KCND2: variants seen among roughly 807,000 people sequenced by gnomAD.
The protein encoded by KCND2 is potassium voltage-gated channel subfamily D member 2.
Under a neutral mutation model 54.4 loss-of-function variants are expected in KCND2, and 16 were observed. The observed-to-expected ratio is 0.29, with a 90% CI of 0.20 to 0.45. The LOEUF (loss-of-function observed/expected upper bound fraction) is 0.45, where lower values mean the gene tolerates loss of function less well. Ranked by LOEUF, KCND2 falls within the 20% of genes least tolerant of loss-of-function variation. The probability of loss-of-function intolerance (pLI) is 1.00; values close to 1 mark genes in which losing one functional copy is unlikely to be tolerated. For missense variants in KCND2, 486 were observed against 824.2 expected (o/e 0.59, Z 5.02); for synonymous variants, 317 against 310.7 (o/e 1.02, Z -0.21).
intron 1 of KCND2, among the ~76,000 whole-genome samples, chr7:120,529,795 T>G (rs1265912005): frequency 5.3e-5 from 8 of 152,050 alleles, no homozygotes; most frequent in Non-Finnish European, 2.9e-5. Context: ...CCCCTAGGAA[T>G]GATCAGGCCA....
At chr7:120,621,995 T>A (rs1298594396) in intron 1 of KCND2, among the ~76,000 whole-genome samples, 5 of 152,000 alleles carry the variant, frequency 3.3e-5, no homozygotes, top group Admixed American at 6.6e-5. Context: ...GGTTTTTTTT[T>A]AATGAAACTA....
chr7:120,619,516 A>G (rs1452275708), intron 1 of KCND2, among the ~76,000 whole-genome samples: 1 of 152,260 alleles, frequency 6.6e-6, no homozygotes, highest in South Asian at 2.1e-4. Flanking sequence ...TAGATCTTCC[A>G]TGAGGGTCAA....
At chr7:120,743,310 C>T (rs570945728) in intron 4 of KCND2, among the ~76,000 whole-genome samples, 2 of 152,140 alleles carry the variant, frequency 1.3e-5, no homozygotes, top group African/African-American at 2.4e-5. Context: ...TCGGGTGACA[C>T]ATGATTTGTA....
intron 1 of KCND2, among the ~76,000 whole-genome samples, chr7:120,701,240 TAAAAAAAAAAAAA>T (rs34803439): frequency 9.4e-4 from 52 of 55,146 alleles, no homozygotes; most frequent in African/African-American, 2.4e-3. Context: ...AATGCCTAGC[TAAAAAAAAAAAAA>T]AAAAAAAAAA....
At chr7:120,301,252 A>T (rs1224101410) in intron 1 of KCND2, among the ~76,000 whole-genome samples, 1 of 152,192 alleles carries the variant, frequency 6.6e-6, no homozygotes, top group Non-Finnish European at 1.5e-5. Flanking sequence ...TCTTCATTTT[A>T]CATAGTCTAT....
At chr7:120,615,846 T>G (rs1793017093) in intron 1 of KCND2, among the ~76,000 whole-genome samples, 1 of 152,232 alleles carries the variant, frequency 6.6e-6, no homozygotes, top group African/African-American at 2.4e-5. Flanking sequence ...AGCTTAATGG[T>G]TGATCTGAAA....
intron 1 of KCND2, among the ~76,000 whole-genome samples, chr7:120,312,286 A>T (rs941422236): frequency 2.0e-5 from 3 of 152,050 alleles, no homozygotes; most frequent in African/African-American, 4.8e-5. Flanking sequence ...GTGTGTCATT[A>T]TTGATGGGCA....
At chr7:120,594,672 A>G (rs978701740) in intron 1 of KCND2, among the ~76,000 whole-genome samples, 1 of 152,166 alleles carries the variant, frequency 6.6e-6, no homozygotes, top group Non-Finnish European at 1.5e-5. Flanking sequence ...TAGAACAACA[A>G]CTACTTCCTT....
intron 1 of KCND2, among the ~76,000 whole-genome samples, chr7:120,514,484 A>C (rs770416977): frequency 2.6e-4 from 39 of 152,144 alleles, no homozygotes; most frequent in Admixed American, 1.1e-3. Flanking sequence ...TTATGGTTTA[A>C]ACCAAATATT....
chr7:120,734,903 C>A (rs1201424282), intron 2 of KCND2, among the ~76,000 whole-genome samples: 1 of 151,998 alleles, frequency 6.6e-6, no homozygotes, highest in African/African-American at 2.4e-5. Flanking sequence ...CGCATATGAA[C>A]AATGTCAGCC....
intron 1 of KCND2, among the ~76,000 whole-genome samples, chr7:120,671,959 T>A (rs1791998367): frequency 6.6e-6 from 1 of 152,104 alleles, no homozygotes. Flanking sequence ...CCCCACCCTT[T>A]TTCTTTTTGT....
At chr7:120,654,520 G>A (rs1791776690) in intron 1 of KCND2, among the ~76,000 whole-genome samples, 1 of 152,150 alleles carries the variant, frequency 6.6e-6, no homozygotes, top group African/African-American at 2.4e-5. Flanking sequence ...TAACATGTAT[G>A]AGAATATTTA....
chr7:120,745,761 A>G lies in KCND2; in HGVS notation c.1468-19A>G. On this transcript the variant is annotated intron_variant, in intron 4 of 5. Coordinates refer to ENST00000331113, the MANE Select transcript of KCND2 (RefSeq NM_012281.3). ...AATGTGCTTCTCTGTTTCTTCATTT[A>G]CTTACAACTGTGGAACAGAATCACG... 1 of 1,613,278 alleles carries G rather than the reference A, an allele frequency of 6.2e-7. No individual in the cohort carries two copies. The highest frequency in any genetic ancestry group is 8.5e-7 in the Non-Finnish European group (1 of 1,179,434).
intron 1 of KCND2, among the ~76,000 whole-genome samples, chr7:120,422,944 C>G (rs761263786): frequency 2.6e-5 from 4 of 152,144 alleles, no homozygotes; most frequent in Non-Finnish European, 5.9e-5. Flanking sequence ...GGCAGTCTGT[C>G]CCAGGTCTTA....
At chr7:120,687,100 A>G (rs1792211697) in intron 1 of KCND2, among the ~76,000 whole-genome samples, 1 of 152,090 alleles carries the variant, frequency 6.6e-6, no homozygotes, top group Admixed American at 6.6e-5. Context: ...ACCATATGCA[A>G]CAACATGGAT....
intron 1 of KCND2, among the ~76,000 whole-genome samples, chr7:120,417,966 T>C (rs1801548047): frequency 6.6e-6 from 1 of 152,204 alleles, no homozygotes; most frequent in African/African-American, 2.4e-5. Context: ...GGATAAAATA[T>C]TCATGTTAAA....
intron 1 of KCND2, among the ~76,000 whole-genome samples, chr7:120,378,078 A>T (rs1800861115): frequency 6.6e-6 from 1 of 152,006 alleles, no homozygotes; most frequent in Admixed American, 6.6e-5. Flanking sequence ...TGAACACAGG[A>T]AACACTTAAG....
chr7:120,715,977 T>G (rs1447522098), intron 1 of KCND2, among the ~76,000 whole-genome samples: 1 of 151,394 alleles, frequency 6.6e-6, no homozygotes, highest in Non-Finnish European at 1.5e-5. Flanking sequence ...AATGTGAAAT[T>G]TTTGTTCACG....
chr7:120,734,610 A>G (rs995664644), intron 2 of KCND2, among the ~76,000 whole-genome samples: 12 of 152,076 alleles, frequency 7.9e-5, no homozygotes, highest in African/African-American at 2.9e-4. Context: ...CAAAATAGTC[A>G]CCTTGAGAGG....
Sources: allele counts gnomAD v4.1 joint callset (sites outside exome capture counted in the v4.1 genomes callset), GRCh38; gene constraint gnomAD v4.1.1; transcripts MANE v1.5; gene names NCBI Gene and HGNC (gene_info 2026-07-23, HGNC 2026-07-21).